Variants in JPH2 observed in about 807,000 individuals in gnomAD.
JPH2 encodes the protein junctophilin 2.
JPH2 carries 38 observed loss-of-function variants against 55.9 expected under a neutral mutation model. The observed-to-expected ratio is 0.68, with a 90% CI of 0.52 to 0.89. JPH2 has a LOEUF of 0.89. Among genes scored for constraint, JPH2 ranks in the 40% least tolerant of loss-of-function variants. The pLI is 0.00. For missense variants in JPH2, 964 were observed against 1,037.6 expected, an observed-to-expected ratio of 0.93 and a Z score of 0.97; for synonymous variants, 480 against 472.4, an observed-to-expected ratio of 1.02 and a Z score of -0.21.
chr20:44,134,677 TATAAA>T (rs2072387458), intron 2 of JPH2, among the ~76,000 whole-genome samples: 1 of 16,928 alleles, frequency 5.9e-5, no homozygotes, highest in African/African-American at 2.6e-4. Flanking sequence ...AATATATATT[TATAAA>T]TATTATAAAT....
intron 2 of JPH2, among the ~76,000 whole-genome samples, chr20:44,144,535 C>G (rs757866593): frequency 1.3e-5 from 2 of 152,134 alleles, no homozygotes; most frequent in Admixed American, 6.5e-5. Flanking sequence ...ATCTGAGCCT[C>G]GATTCCTCAG....
Position 44,186,834 on chromosome 20 carries a change from G to A in JPH2, c.-129C>T, listed in dbSNP as rs2072851200. 2 of 936,606 alleles carry A rather than the reference G, an allele frequency of 2.1e-6. No homozygotes were observed. Among genetic ancestry groups the A allele is most frequent in the South Asian group, 3.0e-5 (2 of 65,648 alleles). The allele number at this position is 936,606 out of a possible 1,614,324, so 58.0% of individuals were successfully genotyped here. A position where few individuals can be genotyped will look rare whatever the true frequency, so the allele number is the denominator to read the frequency against. On this transcript the variant is annotated 5_prime_UTR_variant, in exon 1 of 6. Coordinates refer to ENST00000372980, the MANE Select transcript of JPH2 (RefSeq NM_020433.5). ...ACTCACCACTGCACCCCAGGAGGGG[G>A]GAAGCAGGATGCCAGCAGAGGCTGA...
chr20:44,149,410 A>G (rs1304670887), intron 2 of JPH2, among the ~76,000 whole-genome samples: 1 of 152,214 alleles, frequency 6.6e-6, no homozygotes, highest in Non-Finnish European at 1.5e-5. Context: ...CATATAGCAC[A>G]CATATATGAT....
chr20:44,119,207 A>G (rs1347038687), intron 2 of JPH2, among the ~76,000 whole-genome samples: 1 of 152,260 alleles, frequency 6.6e-6, no homozygotes, highest in East Asian at 1.9e-4. Context: ...ACAAAATATC[A>G]GGTCTGTTAA....
intron 1 of JPH2, among the ~76,000 whole-genome samples, chr20:44,166,990 A>G (rs1164903657): frequency 6.6e-6 from 1 of 151,288 alleles, no homozygotes. Context: ...CACCACTCAC[A>G]CTCGCCTTCC....
At chr20:44,130,976 G>C (rs1600838027) in intron 2 of JPH2, among the ~76,000 whole-genome samples, 1 of 152,140 alleles carries the variant, frequency 6.6e-6, no homozygotes, top group Non-Finnish European at 1.5e-5. Flanking sequence ...TGACTTACTA[G>C]CTTTCACCTA....
intron 2 of JPH2, among the ~76,000 whole-genome samples, chr20:44,119,551 T>G (rs933354394): frequency 2.6e-5 from 4 of 152,160 alleles, no homozygotes; most frequent in Non-Finnish European, 4.4e-5. Context: ...TTGTAGCCCA[T>G]AGAAGCCACC....
chr20:44,119,538 G>T (rs959887136), intron 2 of JPH2, among the ~76,000 whole-genome samples: 20 of 152,146 alleles, frequency 1.3e-4, no homozygotes, highest in Non-Finnish European at 1.0e-4. Flanking sequence ...CTACCCCAGA[G>T]AATTGTAGCC....
At chr20:44,161,286 G>A (rs561171865) in intron 1 of JPH2, among the ~76,000 whole-genome samples, 10 of 152,296 alleles carry the variant, frequency 6.6e-5, no homozygotes, top group South Asian at 2.1e-4. Flanking sequence ...CACTGAGACC[G>A]TATGAAACCA....
intron 1 of JPH2, among the ~76,000 whole-genome samples, chr20:44,164,018 C>T (rs1018833351): frequency 5.9e-5 from 9 of 152,178 alleles, no homozygotes; most frequent in African/African-American, 1.7e-4. Flanking sequence ...GAGGAAGATG[C>T]AAATATGACC....
At chr20:44,154,642 A>G (rs577168044) in intron 2 of JPH2, among the ~76,000 whole-genome samples, 3 of 152,254 alleles carry the variant, frequency 2.0e-5, no homozygotes, top group Non-Finnish European at 2.9e-5. Context: ...GGAAGCCACA[A>G]TGGAGAGAAA....
chr20:44,177,952 G>C, intron 1 of JPH2: 1 of 1,290,852 alleles, frequency 7.7e-7, no homozygotes, highest in South Asian at 1.2e-5. Flanking sequence ...ACCATATTCT[G>C]AGGGCGATTT....
At chr20:44,131,915 T>C (rs1394879115) in intron 2 of JPH2, among the ~76,000 whole-genome samples, 1 of 152,184 alleles carries the variant, frequency 6.6e-6, no homozygotes, top group Non-Finnish European at 1.5e-5. Context: ...TTCAGGACCC[T>C]ACCCCAGGAA....
In JPH2 at chr20:44,160,129, GGCCGCCGCCCTTGGGCGCCCGC is replaced by G. The variant is rs2072598564; in HGVS notation, c.636_657del (p.Arg213SerfsTer86). 1 of 1,490,102 alleles carries G rather than the reference GGCCGCCGCCCTTGGGCGCCCGC, an allele frequency of 6.7e-7. No individual in the cohort carries two copies. Among genetic ancestry groups the G allele is most frequent in the African/African-American group, 1.5e-5 (1 of 68,596 alleles). The allele number at this position is 1,490,102 out of a possible 1,614,324, so 92.3% of individuals were successfully genotyped here. On this transcript the variant is annotated frameshift_variant, in exon 2 of 6. Transcript: ENST00000372980. LOFTEE classifies it high-confidence loss of function. The surrounding 1 kb of genome is among the most constrained non-coding windows in gnomAD (Gnocchi z 4.9). ...CCCAGCAGCGCGCCCCGCTGGAAGAGGCCGCCGCCCTTGGGCGCCCGCGCGGCCGCCTCGGCATTGGCCAGGA... is the reference window on the plus strand; with the variant it reads ...CCCAGCAGCGCGCCCCGCTGGAAGAGGCGGCCGCCTCGGCATTGGCCAGGA...
chr20:44,186,350 C>T lies in JPH2; in HGVS notation c.356G>A (p.Gly119Asp), dbSNP rs1019928101. The part of the protein sequence containing the change: ...TWNNGLQDGY[G>D]TETYADGGTY... ...ACCTCCATCAGCATAGGTCTCGGTGCCATAGCCGTCTTGCAGGCCATTGTT... is the reference window on the plus strand; with the variant it reads ...ACCTCCATCAGCATAGGTCTCGGTGTCATAGCCGTCTTGCAGGCCATTGTT... Residue 119 changes from glycine to aspartate, a missense_variant, in exon 1 of 6, where the codon GGC becomes GAC. Coordinates refer to ENST00000372980, the MANE Select transcript of JPH2 (RefSeq NM_020433.5). 1 of 1,610,960 alleles carries T rather than the reference C, an allele frequency of 6.2e-7. No homozygotes were observed. Among genetic ancestry groups the T allele is most frequent in the East Asian group, 2.2e-5 (1 of 44,724 alleles).
intron 1 of JPH2, among the ~76,000 whole-genome samples, chr20:44,185,292 G>T (rs2072824195): frequency 1.3e-5 from 2 of 152,032 alleles, no homozygotes; most frequent in South Asian, 4.1e-4. Flanking sequence ...GAGCAACAAA[G>T]CAAGACCTAT....
intron 1 of JPH2, among the ~76,000 whole-genome samples, chr20:44,183,610 C>A (rs2072805354): frequency 6.6e-6 from 1 of 152,210 alleles, no homozygotes; most frequent in South Asian, 2.1e-4. Flanking sequence ...GCCCCAGCTA[C>A]CCTGATCCCA....
At chr20:44,176,467 T>C (rs1285298897) in intron 1 of JPH2, among the ~76,000 whole-genome samples, 1 of 152,044 alleles carries the variant, frequency 6.6e-6, no homozygotes, top group African/African-American at 2.4e-5. Context: ...TACTGTAGGT[T>C]TGTCTGTCAC....
chr20:44,114,969 C>A lies in JPH2; in HGVS notation c.2011-93G>T. Reference sequence around the variant, plus strand: ...GCAAGGCTGGACAGAGCAGGAACTTCTGGATGGACCTTCCTAAGAGCATTG... The same window carrying A: ...GCAAGGCTGGACAGAGCAGGAACTTATGGATGGACCTTCCTAAGAGCATTG... On this transcript the variant is annotated intron_variant, in intron 4 of 5. Coordinates refer to ENST00000372980, the MANE Select transcript of JPH2 (RefSeq NM_020433.5). 3.3e-6 allele frequency: 3 copies of A among 912,428 alleles called. No individual in the cohort carries two copies. In the South Asian group the frequency reaches 4.2e-5, roughly 13 times the overall value. 56.5% of individuals were successfully genotyped at this position (912,428 alleles called of 1,614,324 possible).
Sources: allele counts gnomAD v4.1 joint callset (sites outside exome capture counted in the v4.1 genomes callset), GRCh38; gene constraint gnomAD v4.1.1; non-coding constraint Gnocchi (gnomAD v3.1); transcripts MANE v1.5; gene names NCBI Gene and HGNC (gene_info 2026-07-23, HGNC 2026-07-21).